The following FRMD4A variants were observed in gnomAD, a reference collection of about 807,000 sequenced individuals.
The protein encoded by FRMD4A is FERM domain-containing protein 4A.
Under a neutral mutation model 129.1 loss-of-function variants are expected in FRMD4A, and 29 were observed. That is an observed-to-expected ratio of 0.22 (90% CI 0.17 to 0.31). The LOEUF (loss-of-function observed/expected upper bound fraction) is 0.31. Among genes scored for constraint, FRMD4A ranks in the 10% least tolerant of loss-of-function variants. The pLI, the probability that FRMD4A is intolerant of heterozygous loss-of-function variation, is 1.00. For synonymous variants in FRMD4A, 634 were observed against 571.6 expected (o/e 1.11, Z -1.56); for missense variants, 1,272 against 1,375.8 (o/e 0.92, Z 1.19).
chr10:14,016,084 C>G (rs191185678), intron 2 of FRMD4A, among the ~76,000 whole-genome samples: 21 of 152,296 alleles, frequency 1.4e-4, no homozygotes, highest in African/African-American at 5.1e-4. Flanking sequence ...TGTGATGAGG[C>G]GTCTGTGGTG....
chr10:14,153,656 T>G (rs1840451859), intron 2 of FRMD4A, among the ~76,000 whole-genome samples: 1 of 152,090 alleles, frequency 6.6e-6, no homozygotes, highest in Non-Finnish European at 1.5e-5. Flanking sequence ...AAACCGAGCT[T>G]AGGAGGCTTG....
chr10:13,705,369 T>C (rs976285061), intron 13 of FRMD4A, among the ~76,000 whole-genome samples: 1 of 152,152 alleles, frequency 6.6e-6, no homozygotes, highest in East Asian at 1.9e-4. Context: ...TGTGCAGATA[T>C]ATGCGTGCGT....
At chr10:13,734,489 T>G (rs538465802) in intron 12 of FRMD4A, among the ~76,000 whole-genome samples, 3 of 152,274 alleles carry the variant, frequency 2.0e-5, no homozygotes, top group Admixed American at 6.5e-5. Flanking sequence ...CACTTGATGT[T>G]CCAGAATGAA....
At chr10:13,921,541 A>G (rs55961640) in intron 2 of FRMD4A, among the ~76,000 whole-genome samples, 30,370 of 152,196 alleles carry the variant, frequency 0.2, 4,384 homozygotes, top group African/African-American at 0.4. Context: ...AATTATAGGC[A>G]TGAGCCACCA....
At chr10:13,738,148 G>T (rs1039694650) in intron 11 of FRMD4A, among the ~76,000 whole-genome samples, 1 of 152,132 alleles carries the variant, frequency 6.6e-6, no homozygotes, top group Non-Finnish European at 1.5e-5. Flanking sequence ...GGGGCTGGGG[G>T]CCTGGCTCTG....
At chr10:13,660,840 A>G (rs1419598873) in intron 19 of FRMD4A, among the ~76,000 whole-genome samples, 1 of 152,216 alleles carries the variant, frequency 6.6e-6, no homozygotes, top group African/African-American at 2.4e-5. Context: ...GTCATTAAAT[A>G]CCACCAACAA....
intron 12 of FRMD4A, among the ~76,000 whole-genome samples, chr10:13,714,463 A>G (rs528719065): frequency 2.0e-5 from 3 of 152,162 alleles, no homozygotes; most frequent in Non-Finnish European, 4.4e-5. Context: ...CAAAAAAAGA[A>G]GACAGAGGCA....
Position 14,290,302 on chromosome 10 carries a change from G to C in FRMD4A, c.45+39756C>G, listed in dbSNP as rs1845811402. 2.0e-5 allele frequency among the ~76,000 whole-genome samples: 3 copies of C among 152,124 alleles called. No individual in the cohort carries two copies. The South Asian group carries it at 6.2e-4, about 32-fold the overall frequency. On this transcript the variant is annotated intron_variant, in intron 2 of 24. Transcript: ENST00000357447. ...TTGAGAAAGAAGAACAAAACTGAAG[G>C]CATCAGACTTCCTGATTTCAAAGTA... is the stretch of plus-strand genomic sequence containing the variant.
In FRMD4A at chr10:13,693,925, C is replaced by T. The variant is rs763926672; in HGVS notation, c.1090G>A (p.Gly364Ser). 9.3e-6 allele frequency: 15 copies of T among 1,607,366 alleles called. No individual in the cohort carries two copies. Among genetic ancestry groups the T allele is most frequent in the South Asian group, 6.7e-5 (6 of 89,860 alleles). The change falls in exon 15 of 25, where the codon GGC becomes AGC. Residue 364 changes from glycine to serine, a missense_variant. Around this residue, in one of 2 missense-constraint regions of FRMD4A, gnomAD observed 300 missense variants for 483.6 expected, o/e 0.62. Coordinates refer to ENST00000357447, the MANE Select transcript of FRMD4A (RefSeq NM_018027.5). ...GAAGACAGCAGGCTGCCGCTGCTGCCGCTGATGATCTTCCCCTTGCTACCC... is the reference window on the plus strand; with the variant it reads ...GAAGACAGCAGGCTGCCGCTGCTGCTGCTGATGATCTTCCCCTTGCTACCC... The part of the protein sequence containing the change: ...NMGSKGKIIS[G>S]SSGSLLSSGS...
intron 2 of FRMD4A, among the ~76,000 whole-genome samples, chr10:14,099,990 C>T (rs1564290421): frequency 6.6e-6 from 1 of 152,196 alleles, no homozygotes; most frequent in Non-Finnish European, 1.5e-5. Context: ...TTCCTCAGTT[C>T]TCTGTCCCTG....
chr10:13,936,266 T>TC (rs2095248326), intron 2 of FRMD4A, among the ~76,000 whole-genome samples: 1 of 152,160 alleles, frequency 6.6e-6, no homozygotes, highest in African/African-American at 2.4e-5. Context: ...AGCACGGTAG[T>TC]CATCACTCTA....
In FRMD4A at chr10:13,663,462, G is replaced by A. The variant is rs775971275; in HGVS notation, c.1651C>T (p.Leu551Phe). The change falls in exon 19 of 25, where the codon CTT (leucine) becomes TTT (phenylalanine). Residue 551 changes from leucine (L) to phenylalanine (F), a missense_variant. Physicochemically the swap from Leu to Phe is conservative, Grantham distance 22. Transcript: ENST00000357447. ...AAATGCATAAACCTACCATCCTCAA[G>A]AACAAGGGCATCTGAGAGGGAGCTG... ...EDSSLSDALV[L>F]EDEDSQVTST... The A allele has an allele frequency of 1.4e-5, 22 of 1,531,574 alleles. No homozygotes were observed. Among genetic ancestry groups the A allele is most frequent in the Middle Eastern group, 1.7e-4 (1 of 5,932 alleles). 94.9% of individuals were successfully genotyped at this position (1,531,574 alleles called of 1,614,324 possible). A position where few individuals can be genotyped will look rare whatever the true frequency, so the allele number is the denominator to read the frequency against.
chr10:13,930,428 T>A (rs2095180291), intron 2 of FRMD4A, among the ~76,000 whole-genome samples: 1 of 152,210 alleles, frequency 6.6e-6, no homozygotes, highest in South Asian at 2.1e-4. Flanking sequence ...GGGTTACTTG[T>A]CCTGCGTGAG....
chr10:13,737,844 C>T lies in FRMD4A; in HGVS notation c.759G>A (p.Lys253=). 6.4e-7 allele frequency: 1 copy of T among 1,567,312 alleles called. No homozygotes were observed. Among genetic ancestry groups the T allele is most frequent in the Non-Finnish European group, 8.8e-7 (1 of 1,137,668 alleles). The change falls in exon 12 of 25, where the codon AAG becomes AAA. Residue 253 remains lysine, a splice_region_variant and synonymous_variant. Transcript: ENST00000357447. ...AACCCAAGCAGGAGACCAGCCTTAC[C>T]TTTCTTGGCTTCACTTTATCATGGT... The part of the protein sequence containing the change: ...YDYHDKVKPR[K]IFQWRQLENL...
chr10:14,222,735 A>G (rs2131974508), intron 2 of FRMD4A, among the ~76,000 whole-genome samples: 1 of 152,216 alleles, frequency 6.6e-6, no homozygotes, highest in African/African-American at 2.4e-5. Flanking sequence ...CCTTGGAAAA[A>G]AAAACATTGT....
intron 2 of FRMD4A, among the ~76,000 whole-genome samples, chr10:13,995,067 A>G (rs1478418455): frequency 1.3e-5 from 2 of 152,308 alleles, no homozygotes; most frequent in Admixed American, 1.3e-4. Context: ...GTTTCTGACC[A>G]CTGGATCTCT....
chr10:13,664,663 T>C (rs1311279594), intron 18 of FRMD4A, among the ~76,000 whole-genome samples: 3 of 151,988 alleles, frequency 2.0e-5, no homozygotes, highest in Non-Finnish European at 4.4e-5. Flanking sequence ...ATCTATGTAA[T>C]TGTGGTGAAA....
chr10:14,275,922 T>C (rs763320904), intron 2 of FRMD4A, among the ~76,000 whole-genome samples: 2 of 152,140 alleles, frequency 1.3e-5, no homozygotes, highest in Non-Finnish European at 2.9e-5. Context: ...GCCTGCAGTC[T>C]CAGCTACTCA....
intron 2 of FRMD4A, among the ~76,000 whole-genome samples, chr10:14,108,561 C>A (rs1043748738): frequency 2.0e-5 from 3 of 152,110 alleles, no homozygotes; most frequent in African/African-American, 4.8e-5. Context: ...AATTCTGTAC[C>A]AACACAAACC....
Sources: gnomAD v4.1 joint callset for allele counts (sites outside exome capture counted in the v4.1 genomes callset) on GRCh38, gnomAD v4.1.1 for gene constraint, gnomAD v4.1.1 regional missense constraint, MANE v1.5 for transcripts, NCBI Gene and HGNC (gene_info 2026-07-23, HGNC 2026-07-21) for gene names.